The following PDE1A variants were observed in gnomAD, a reference collection of about 807,000 sequenced individuals.
PDE1A encodes dual specificity calcium/calmodulin-dependent 3',5'-cyclic nucleotide phosphodiesterase 1A.
A neutral mutation model predicts 61.7 loss-of-function variants in PDE1A; 35 were observed. The observed-to-expected ratio is 0.57, with a 90% CI of 0.43 to 0.75. The LOEUF (loss-of-function observed/expected upper bound fraction) is 0.75. Ranked by LOEUF, PDE1A falls within the 30% of genes least tolerant of loss-of-function variation. The pLI is 0.00. For synonymous variants in PDE1A, 232 were observed against 213.2 expected (o/e 1.09, Z -0.77); for missense variants, 597 against 630.6 (o/e 0.95, Z 0.57).
intron 5 of PDE1A, 65 bp downstream of exon 5, chr2:182,230,950 G>A (rs1345341552): frequency 2.5e-6 from 2 of 786,854 alleles, no homozygotes; most frequent in Non-Finnish European, 4.3e-6. Flanking sequence ...CAAATGTTCT[G>A]CATTTTCATT....
intron 1 of PDE1A, among the ~76,000 whole-genome samples, chr2:182,323,245 A>G (rs1696816106): frequency 6.6e-6 from 1 of 152,192 alleles, no homozygotes; most frequent in East Asian, 1.9e-4. Context: ...CTTTGTGACT[A>G]ATAATTGTGG....
downstream of PDE1A, among the ~76,000 whole-genome samples, chr2:182,164,360 G>T (rs1404936318): frequency 6.6e-6 from 1 of 152,112 alleles, no homozygotes; most frequent in East Asian, 1.9e-4. Flanking sequence ...TGGCTGGATG[G>T]TCAAGGACTT....
chr2:182,650,796 A>T, the PDE1A span, among the ~76,000 whole-genome samples: 1 of 152,188 alleles, frequency 6.6e-6, no homozygotes, highest in East Asian at 1.9e-4. Flanking sequence ...AACTGAAAAC[A>T]CTTGAAAGAG....
chr2:182,572,606 GGCGCGGTGGCTCAC>G, the PDE1A span, among the ~76,000 whole-genome samples: 1 of 152,182 alleles, frequency 6.6e-6, no homozygotes, highest in Admixed American at 6.5e-5. Context: ...AGATAGGCCA[GGCGCGGTGGCTCAC>G]GCGAGTAATT....
At chr2:182,540,838 G>T in the PDE1A span, among the ~76,000 whole-genome samples, 2 of 151,962 alleles carry the variant, frequency 1.3e-5, no homozygotes, top group Non-Finnish European at 1.5e-5. Flanking sequence ...ACATGACTAT[G>T]TACTTGTATT....
chr2:182,264,498 C>T, intron 1 of PDE1A, 84 bp from the exon 2 acceptor site: 2 of 890,952 alleles, frequency 2.2e-6, no homozygotes, highest in South Asian at 3.6e-5. Context: ...TAAATACACT[C>T]AGTTAAGATT....
At chr2:182,336,448 A>G (rs1697818149) in intron 1 of PDE1A, among the ~76,000 whole-genome samples, 1 of 152,172 alleles carries the variant, frequency 6.6e-6, no homozygotes, top group Non-Finnish European at 1.5e-5. Context: ...ATAAAGAAGG[A>G]TGAGTTCATG....
intron 2 of PDE1A, among the ~76,000 whole-genome samples, chr2:182,508,830 T>C (rs1689593505): frequency 6.6e-6 from 1 of 151,240 alleles, no homozygotes. Flanking sequence ...TTAATTATAC[T>C]TTAAGTTTTA....
chr2:182,251,199 C>G (rs796142013), intron 2 of PDE1A, among the ~76,000 whole-genome samples: 1 of 152,180 alleles, frequency 6.6e-6, no homozygotes, highest in Non-Finnish European at 1.5e-5. Flanking sequence ...AAACTCCTGG[C>G]TTCATCACCT....
intron 2 of PDE1A, among the ~76,000 whole-genome samples, chr2:182,483,944 C>T (rs1687855005): frequency 1.3e-5 from 2 of 151,574 alleles, no homozygotes; most frequent in South Asian, 4.1e-4. Flanking sequence ...ATGAATTCTT[C>T]AGAAATTAAA....
intron 1 of PDE1A, among the ~76,000 whole-genome samples, chr2:182,324,486 T>C (rs552021662): frequency 2.0e-5 from 3 of 152,142 alleles, no homozygotes; most frequent in Non-Finnish European, 4.4e-5. Flanking sequence ...TACCTGTATA[T>C]GAGAAAATTA....
At chr2:182,580,604 G>A in the PDE1A span, among the ~76,000 whole-genome samples, 2,923 of 152,262 alleles carry the variant, frequency 0.019, 43 homozygotes, top group Non-Finnish European at 0.029. Context: ...TCAGTCCATA[G>A]CAAGGTTGAG....
chr2:182,529,491 G>T, the PDE1A span, among the ~76,000 whole-genome samples: 1 of 152,190 alleles, frequency 6.6e-6, no homozygotes, highest in Non-Finnish European at 1.5e-5. Context: ...TGTCTCAGAT[G>T]AGACTTTGGA....
At chr2:182,470,340 C>T (rs1162165036) in intron 2 of PDE1A, among the ~76,000 whole-genome samples, 1 of 151,874 alleles carries the variant, frequency 6.6e-6, no homozygotes, top group Non-Finnish European at 1.5e-5. Context: ...TGAAAAACTA[C>T]AGCTAACATC....
chr2:182,186,214 G>T, intron 12 of PDE1A, 135 bp from the exon 13 acceptor site: 1 of 903,352 alleles, frequency 1.1e-6, no homozygotes, highest in Non-Finnish European at 1.7e-6. Flanking sequence ...GCACGTGGCA[G>T]CTGCTCATCT....
At chr2:182,195,998 A>G (rs1464209127) in intron 10 of PDE1A, among the ~76,000 whole-genome samples, 1 of 152,122 alleles carries the variant, frequency 6.6e-6, no homozygotes, top group Non-Finnish European at 1.5e-5. Flanking sequence ...TACATTATGC[A>G]GTATGACTAA....
intron 1 of PDE1A, among the ~76,000 whole-genome samples, chr2:182,417,418 TA>T (rs1702987907): frequency 6.6e-6 from 1 of 152,210 alleles, no homozygotes; most frequent in South Asian, 2.1e-4. Context: ...TTTGATATAG[TA>T]GGTCTGAAAT....
At chr2:182,502,177 CCTAT>C (rs1689118683) in intron 2 of PDE1A, among the ~76,000 whole-genome samples, 1 of 152,198 alleles carries the variant, frequency 6.6e-6, no homozygotes, top group African/African-American at 2.4e-5. Context: ...AGAGTTTTCA[CCTAT>C]CTATCTGCAA....
At chr2:182,189,714 T>C (rs1399179307) in intron 10 of PDE1A, among the ~76,000 whole-genome samples, 3 of 152,216 alleles carry the variant, frequency 2.0e-5, no homozygotes, top group African/African-American at 4.8e-5. Context: ...TCCATTTATA[T>C]TGGGGTTTTA....
Sources: gnomAD v4.1 joint callset for allele counts (sites outside exome capture counted in the v4.1 genomes callset) on GRCh38, gnomAD v4.1.1 for gene constraint, MANE v1.5 for transcripts, NCBI Gene and HGNC (gene_info 2026-07-23, HGNC 2026-07-21) for gene names.